Variants in CDC42BPB observed in about 807,000 individuals in gnomAD.
The protein encoded by CDC42BPB is serine/threonine-protein kinase MRCK beta.
CDC42BPB carries 37 observed loss-of-function variants against 214.9 expected under a neutral mutation model. The ratio of observed to expected loss-of-function variants is 0.17; its 90% CI spans 0.13 to 0.23. The LOEUF (loss-of-function observed/expected upper bound fraction) is 0.23, where lower values mean the gene tolerates loss of function less well. CDC42BPB is among the 10% of genes least tolerant of loss of function. The probability of loss-of-function intolerance (pLI) is 1.00; values close to 1 mark genes in which losing one functional copy is unlikely to be tolerated. For missense variants in CDC42BPB, 1,694 were observed against 2,227.0 expected, an observed-to-expected ratio of 0.76 and a Z score of 4.82; for synonymous variants, 931 against 884.0, an observed-to-expected ratio of 1.05 and a Z score of -0.94.
rs1246903938 is a variant in CDC42BPB, at chr14:102,933,762, T to C, written c.5086A>G (p.Arg1696Gly). 3 of 1,498,736 alleles carry C rather than the reference T, an allele frequency of 2.0e-6. No homozygotes were observed. Among genetic ancestry groups the C allele is most frequent in the South Asian group, 2.8e-5 (2 of 72,030 alleles). The allele number at this position is 1,498,736 out of a possible 1,614,324, so 92.8% of individuals were successfully genotyped here. ...SGPPSPNSPHRSQLPLEGLEQ... is the reference protein window; with the variant it reads ...SGPPSPNSPHGSQLPLEGLEQ... Reference sequence around the variant, plus strand: ...AGGCCTTCGAGGGGGAGCTGGCTCCTGTGGGGGGAGTTGGGGCTCGGTGGG... The same window carrying C: ...AGGCCTTCGAGGGGGAGCTGGCTCCCGTGGGGGGAGTTGGGGCTCGGTGGG... The change falls in exon 37 of 37, where the codon AGG (arginine) becomes GGG (glycine). Residue 1696 changes from arginine (R) to glycine (G), a missense_variant. Transcript: ENST00000361246.
At chr14:102,940,940 G>A (rs575228296) in intron 30 of CDC42BPB, among the ~76,000 whole-genome samples, 4 of 152,362 alleles carry the variant, frequency 2.6e-5, no homozygotes, top group Non-Finnish European at 4.4e-5. Context: ...TGGGGTCCGC[G>A]CTGTGCTCCT....
At chr14:102,989,373 C>A (rs917245536) in intron 5 of CDC42BPB, among the ~76,000 whole-genome samples, 1 of 152,210 alleles carries the variant, frequency 6.6e-6, no homozygotes, top group Non-Finnish European at 1.5e-5. Context: ...TAATTTATTT[C>A]TCTCTTGATC....
intron 1 of CDC42BPB, among the ~76,000 whole-genome samples, chr14:103,030,037 G>A (rs1887278555): frequency 6.6e-6 from 1 of 151,660 alleles, no homozygotes; most frequent in African/African-American, 2.4e-5. Context: ...TGCCTAACTG[G>A]CTCTCACAGG....
chr14:102,986,650 T>C lies in CDC42BPB; in HGVS notation c.597-70A>G, dbSNP rs907101808. 12 of 1,573,456 alleles carry C rather than the reference T, an allele frequency of 7.6e-6. No individual in the cohort carries two copies. The African/African-American group carries it at 9.5e-5, about 12-fold the overall frequency. ...CATTAGGTAGATCAAAGCCCTTAACTAGTGGTGATCAGATGAATAAATGCT... is the reference window on the plus strand; with the variant it reads ...CATTAGGTAGATCAAAGCCCTTAACCAGTGGTGATCAGATGAATAAATGCT... On this transcript the variant is annotated intron_variant, in intron 5 of 36. Coordinates refer to ENST00000361246, the MANE Select transcript of CDC42BPB (RefSeq NM_006035.4).
intron 11 of CDC42BPB, among the ~76,000 whole-genome samples, chr14:102,975,439 C>T (rs769053085): frequency 1.3e-5 from 2 of 152,184 alleles, no homozygotes; most frequent in Non-Finnish European, 2.9e-5. Flanking sequence ...AAGAGAATCG[C>T]TTGAACCCAG....
intron 20 of CDC42BPB, among the ~76,000 whole-genome samples, chr14:102,960,408 T>C (rs933805191): frequency 2.7e-5 from 4 of 150,746 alleles, no homozygotes; most frequent in Non-Finnish European, 5.9e-5. Context: ...CTTGAGGCCA[T>C]GAGTTTGAGA....
chr14:102,999,515 C>CT (rs1894885043), intron 5 of CDC42BPB, 50 bp downstream of exon 5: 1 of 1,598,538 alleles, frequency 6.3e-7, no homozygotes, highest in Non-Finnish European at 8.6e-7. Flanking sequence ...TGAAAGGAGT[C>CT]TTTTAACAAT....
chr14:102,998,688 A>G (rs577913474), intron 5 of CDC42BPB, among the ~76,000 whole-genome samples: 1 of 152,232 alleles, frequency 6.6e-6, no homozygotes, highest in African/African-American at 2.4e-5. Flanking sequence ...ACGCTCTCTC[A>G]GCTCAACTCC....
chr14:102,941,341 C>T lies in CDC42BPB; in HGVS notation c.4409-1017G>A, dbSNP rs565252859. Reference sequence around the variant, plus strand: ...ACTGTCTGAAGATGCATTTTAAAAGCCTTCTGCTCTGTTTCTATCACAGAC... The same window carrying T: ...ACTGTCTGAAGATGCATTTTAAAAGTCTTCTGCTCTGTTTCTATCACAGAC... On this transcript the variant is annotated intron_variant, in intron 30 of 36. Coordinates refer to ENST00000361246, the MANE Select transcript of CDC42BPB (RefSeq NM_006035.4). 13 of 985,472 alleles carry T rather than the reference C, an allele frequency of 1.3e-5. No homozygotes were observed. The Admixed American group carries it at 4.3e-4, about 33-fold the overall frequency. 61.0% of individuals were successfully genotyped at this position (985,472 alleles called of 1,614,324 possible).
At chr14:102,957,770 C>T (rs1249853380) in intron 21 of CDC42BPB, among the ~76,000 whole-genome samples, 1 of 152,168 alleles carries the variant, frequency 6.6e-6, no homozygotes, top group Non-Finnish European at 1.5e-5. Flanking sequence ...GAGGCTGCTA[C>T]GGGCAGATGC....
Position 103,004,216 on chromosome 14 carries a change from G to C in CDC42BPB, c.352-193C>G, listed in dbSNP as rs577966121. 5 of 1,319,844 alleles carry C rather than the reference G, an allele frequency of 3.8e-6. No individual in the cohort carries two copies. The highest frequency in any genetic ancestry group is 3.6e-5 in the Admixed American group (1 of 27,762). 81.8% of individuals were successfully genotyped at this position (1,319,844 alleles called of 1,614,324 possible). ...CATCCCTTCCTCTCCCAAGCCCCGTGCAAGTGCCAAGGGCTGCTGAGGAGG... is the reference window on the plus strand; with the variant it reads ...CATCCCTTCCTCTCCCAAGCCCCGTCCAAGTGCCAAGGGCTGCTGAGGAGG... On this transcript the variant is annotated intron_variant, in intron 3 of 36. Transcript: ENST00000361246. The surrounding 1 kb of genome is among the most constrained non-coding windows in gnomAD (Gnocchi z 5.3).
chr14:102,968,904 G>A (rs927201810), intron 14 of CDC42BPB, 188 bp from the exon 15 acceptor site: 31 of 985,306 alleles, frequency 3.1e-5, no homozygotes, highest in Non-Finnish European at 3.5e-5. Context: ...AGCAGGAGAC[G>A]GCCTTGCAGG....
intron 20 of CDC42BPB, among the ~76,000 whole-genome samples, chr14:102,960,415 G>A (rs993521913): frequency 4.0e-5 from 6 of 150,746 alleles, no homozygotes; most frequent in African/African-American, 1.5e-4. Flanking sequence ...CCATGAGTTT[G>A]AGACCAGCCT....
At chr14:102,994,908 G>A (rs900680805) in intron 5 of CDC42BPB, among the ~76,000 whole-genome samples, 1 of 152,214 alleles carries the variant, frequency 6.6e-6, no homozygotes, top group Non-Finnish European at 1.5e-5. Context: ...TCAGCCTCCA[G>A]AGCACAGTCC....
intron 4 of CDC42BPB, among the ~76,000 whole-genome samples, chr14:103,002,787 G>A (rs749047160): frequency 4.6e-5 from 7 of 152,150 alleles, no homozygotes; most frequent in Non-Finnish European, 1.0e-4. Context: ...TGGGTCGTTG[G>A]GAAGACGGAC....
chr14:102,966,509 C>T, intron 17 of CDC42BPB, 122 bp from the exon 18 acceptor site: 3 of 1,487,198 alleles, frequency 2.0e-6, no homozygotes, highest in South Asian at 1.3e-5. Context: ...AGCTAGAGTG[C>T]CCGCAGTGTA....
intron 1 of CDC42BPB, among the ~76,000 whole-genome samples, chr14:103,037,516 T>A (rs576352387): frequency 7.9e-5 from 12 of 152,286 alleles, no homozygotes; most frequent in Non-Finnish European, 1.5e-4. Context: ...CTTATTTTCA[T>A]AATTAAAAAA....
chr14:102,999,416 A>G (rs1595126987), intron 5 of CDC42BPB, 149 bp downstream of exon 5: 1 of 669,794 alleles, frequency 1.5e-6, no homozygotes. Context: ...GAAGACGGTG[A>G]TGTGGGCAAA....
rs576189839 is a variant in CDC42BPB at position 103,001,319 on chromosome 14, C to T, written c.448-1606G>A. Among the ~76,000 whole-genome samples the T allele has an allele frequency of 6.6e-5, 10 of 152,330 alleles. No individual in the cohort carries two copies. In the East Asian group the frequency reaches 1.7e-3, roughly 26 times the overall value. ...ATGCACGAGACAGCGAGGTCCCTGG[C>T]TCAGCAGAGCTCACACTGGGGGCGG... is the stretch of plus-strand genomic sequence containing the variant. On this transcript the variant is annotated intron_variant, in intron 4 of 36. Coordinates refer to ENST00000361246, the MANE Select transcript of CDC42BPB (RefSeq NM_006035.4). The surrounding 1 kb of genome is among the most constrained non-coding windows in gnomAD (Gnocchi z 5.8).
Sources: gnomAD v4.1 joint callset for allele counts (sites outside exome capture counted in the v4.1 genomes callset) on GRCh38, gnomAD v4.1.1 for gene constraint, Gnocchi (gnomAD v3.1) non-coding constraint, MANE v1.5 for transcripts, NCBI Gene and HGNC (gene_info 2026-07-23, HGNC 2026-07-21) for gene names.